Variants in CUL1 observed in about 807,000 individuals in gnomAD.
The protein encoded by CUL1 is cullin-1.
A neutral mutation model predicts 118.0 loss-of-function variants in CUL1; 24 were observed. The observed-to-expected ratio is 0.20, with a 90% CI of 0.15 to 0.29. CUL1 has a LOEUF of 0.29. Ranked by LOEUF, CUL1 falls within the 10% of genes least tolerant of loss-of-function variation. CUL1 has a pLI of 1.00. For missense variants in CUL1, 361 were observed against 933.8 expected (o/e 0.39, Z 7.99); for synonymous variants, 332 against 340.4 (o/e 0.98, Z 0.27).
In CUL1 at chr7:148,800,464, T is replaced by C; in HGVS notation, c.2251-38T>C. On this transcript the variant is annotated intron_variant, in intron 21 of 21. Coordinates refer to ENST00000325222, the MANE Select transcript of CUL1 (RefSeq NM_003592.3). The surrounding 1 kb of genome is among the most constrained non-coding windows in gnomAD (Gnocchi z 4.6). ...CTGATGATAATTTGTGTTTTTCTTC[T>C]CTTTCACTACCTCTTCCTTTTTAAA... 3 of 1,541,950 alleles carry C rather than the reference T, an allele frequency of 1.9e-6. No homozygotes were observed. Among genetic ancestry groups the C allele is most frequent in the Non-Finnish European group, 2.7e-6 (3 of 1,115,128 alleles).
chr7:148,721,511 C>T (rs2129459315), intron 1 of CUL1, among the ~76,000 whole-genome samples: 1 of 152,028 alleles, frequency 6.6e-6, no homozygotes, highest in East Asian at 1.9e-4. Context: ...TCATTTCAAT[C>T]ACAAAAATAT....
intron 2 of CUL1, among the ~76,000 whole-genome samples, chr7:148,733,330 A>C (rs1798827281): frequency 6.6e-6 from 1 of 152,200 alleles, no homozygotes; most frequent in African/African-American, 2.4e-5. Flanking sequence ...CATAAAATAT[A>C]ATTTTACCCC....
intron 1 of CUL1, among the ~76,000 whole-genome samples, chr7:148,717,683 C>T (rs952590352): frequency 2.0e-5 from 3 of 152,116 alleles, no homozygotes; most frequent in Admixed American, 1.3e-4. Flanking sequence ...TGCCCAAATC[C>T]TTCACCGGGC....
chr7:148,757,660 T>C (rs1799700252), intron 4 of CUL1, among the ~76,000 whole-genome samples: 1 of 152,236 alleles, frequency 6.6e-6, no homozygotes, highest in Non-Finnish European at 1.5e-5. Flanking sequence ...TTTCAAAGTA[T>C]GGTCCTGTAT....
intron 1 of CUL1, among the ~76,000 whole-genome samples, chr7:148,723,227 TG>T (rs2129459383): frequency 6.6e-6 from 1 of 152,308 alleles, no homozygotes; most frequent in Admixed American, 6.5e-5. Flanking sequence ...TCCATCATCT[TG>T]TCAGTTTTTA....
At position 148,784,097 on chromosome 7, in the gene CUL1, T is replaced by C. The variant is rs1406243715; in HGVS notation, c.1298+20T>C. 6 of 1,555,592 alleles carry C rather than the reference T, an allele frequency of 3.9e-6. No homozygotes were observed. ...GAAAAGGTATTAAATGACCCTATGT[T>C]TTCTTAGTATGCCTGTTTAAAATCT... On this transcript the variant is annotated intron_variant, in intron 11 of 21. Transcript: ENST00000325222.
chr7:148,712,003 C>T (rs1798069214), intron 1 of CUL1, among the ~76,000 whole-genome samples: 1 of 152,200 alleles, frequency 6.6e-6, no homozygotes, highest in Non-Finnish European at 1.5e-5. Context: ...GCCTTCCACG[C>T]TTAGTGGCCT....
chr7:148,701,542 T>C (rs243546), intron 1 of CUL1, among the ~76,000 whole-genome samples: 46,608 of 152,116 alleles, frequency 0.31, 7,964 homozygotes, highest in South Asian at 0.48. Context: ...CACGATCAGG[T>C]TTTTCCCCCC....
chr7:148,765,085 A>G (rs17537406), intron 7 of CUL1, among the ~76,000 whole-genome samples: 5,607 of 152,266 alleles, frequency 0.037, 136 homozygotes, highest in Non-Finnish European at 0.055. Flanking sequence ...GCTGGAGATC[A>G]TTATGTATTA....
At position 148,730,078 on chromosome 7, in the gene CUL1, T is replaced by C; in HGVS notation, c.-45T>C. The stretch of plus-strand genomic sequence containing the variant: ...ATCTAATGGAGAACTAGCTGTACTT[T>C]GAATAAGGATTGCTGCACTGGACGA... On this transcript the variant is annotated 5_prime_UTR_variant, in exon 2 of 22. Transcript: ENST00000325222. The C allele has an allele frequency of 6.3e-7, 1 of 1,582,308 alleles. No homozygotes were observed.
chr7:148,724,032 G>A lies in CUL1; in HGVS notation c.-161-5930G>A, dbSNP rs1798481008. ...AAAGCTAGTCATCCCTTGATGTTCA[G>A]TTCAGTTGATGTTGCAATTAGTGTT... On this transcript the variant is annotated intron_variant, in intron 1 of 21. Coordinates refer to ENST00000325222, the MANE Select transcript of CUL1 (RefSeq NM_003592.3). 3.3e-5 allele frequency among the ~76,000 whole-genome samples: 5 copies of A among 152,228 alleles called. No homozygotes were observed. The South Asian group carries it at 1.0e-3, about 31-fold the overall frequency.
chr7:148,703,521 TTTTTTTG>T (rs201651064), intron 1 of CUL1, among the ~76,000 whole-genome samples: 7,595 of 150,896 alleles, frequency 0.05, 308 homozygotes, highest in Middle Eastern at 0.11. Flanking sequence ...CTAGTGAAGG[TTTTTTTG>T]TTTTTTGTTT....
chr7:148,773,162 C>G (rs148102857), intron 9 of CUL1, among the ~76,000 whole-genome samples: 52 of 152,198 alleles, frequency 3.4e-4, no homozygotes, highest in Admixed American at 2.2e-3. Flanking sequence ...TTGTTTTAAA[C>G]AAAGCAGAAT....
At position 148,729,990 on chromosome 7, in the gene CUL1, A is replaced by C. The variant is rs1290969040; in HGVS notation, c.-133A>C. The C allele has an allele frequency of 3.0e-6, 3 of 1,002,366 alleles. No homozygotes were observed. The highest frequency in any genetic ancestry group is 4.3e-6 in the Non-Finnish European group (3 of 695,764). The allele number at this position is 1,002,366 out of a possible 1,614,324, so 62.1% of individuals were successfully genotyped here. ...TGCCTGCAATGAGATTTCATTCTCT[A>C]CATTTAAAGGACATCCTTTCTGAGC... is the stretch of plus-strand genomic sequence containing the variant. On this transcript the variant is annotated 5_prime_UTR_variant, in exon 2 of 22. Transcript: ENST00000325222.
intron 1 of CUL1, among the ~76,000 whole-genome samples, chr7:148,719,040 A>G (rs1303545711): frequency 6.6e-6 from 1 of 152,176 alleles, no homozygotes; most frequent in Non-Finnish European, 1.5e-5. Context: ...GGCCGGGCGC[A>G]GTGGCTCACA....
intron 9 of CUL1, among the ~76,000 whole-genome samples, chr7:148,776,347 C>T (rs1268699882): frequency 1.5e-5 from 1 of 65,210 alleles, no homozygotes; most frequent in Non-Finnish European, 2.6e-5. Context: ...GATGGAGTCT[C>T]ACTCTTTCAC....
At chr7:148,704,994 A>G (rs1797838106) in intron 1 of CUL1, among the ~76,000 whole-genome samples, 1 of 152,178 alleles carries the variant, frequency 6.6e-6, no homozygotes, top group African/African-American at 2.4e-5. Flanking sequence ...GCCCCTTTCC[A>G]GGTGTGTTGA....
At chr7:148,757,232 T>G (rs1799686094) in intron 4 of CUL1, 82 bp downstream of exon 4, 1 of 846,680 alleles carries the variant, frequency 1.2e-6, no homozygotes, top group Admixed American at 3.4e-5. Context: ...AGCAAGAGAA[T>G]CTAGGCAAAT....
intron 1 of CUL1, among the ~76,000 whole-genome samples, chr7:148,727,763 GT>G (rs1798635600): frequency 6.6e-6 from 1 of 152,024 alleles, no homozygotes; most frequent in Non-Finnish European, 1.5e-5. Flanking sequence ...GGAGACTGAG[GT>G]GGCAAGGGGG....
Sources: gnomAD v4.1 joint callset for allele counts (sites outside exome capture counted in the v4.1 genomes callset) on GRCh38, gnomAD v4.1.1 for gene constraint, Gnocchi (gnomAD v3.1) non-coding constraint, MANE v1.5 for transcripts, NCBI Gene and HGNC (gene_info 2026-07-23, HGNC 2026-07-21) for gene names.